HCN1: variants seen among roughly 807,000 people sequenced by gnomAD.
The protein encoded by HCN1 is potassium/sodium hyperpolarization-activated cyclic nucleotide-gated channel 1.
A neutral mutation model predicts 78.9 loss-of-function variants in HCN1; 13 were observed. That is an observed-to-expected ratio of 0.16 (90% CI 0.11 to 0.26). The LOEUF is 0.26. Ranked by LOEUF, HCN1 falls within the 10% of genes least tolerant of loss-of-function variation. The pLI is 1.00. For missense variants in HCN1, 810 were observed against 1,154.3 expected, an observed-to-expected ratio of 0.70 and a Z score of 4.32; for synonymous variants, 552 against 455.5, an observed-to-expected ratio of 1.21 and a Z score of -2.70.
At chr5:45,317,023 C>A (rs971874684) in intron 5 of HCN1, among the ~76,000 whole-genome samples, 1 of 152,116 alleles carries the variant, frequency 6.6e-6, no homozygotes, top group African/African-American at 2.4e-5. Flanking sequence ...CCATCCCCAT[C>A]AAGCTACCAA....
intron 2 of HCN1, among the ~76,000 whole-genome samples, chr5:45,499,078 G>C (rs1742127451): frequency 1.3e-5 from 2 of 152,168 alleles, no homozygotes; most frequent in South Asian, 4.1e-4. Flanking sequence ...TACAGAGGCA[G>C]GCAGGTCTCC....
At chr5:45,340,916 G>A (rs187755158) in intron 5 of HCN1, among the ~76,000 whole-genome samples, 54 of 152,208 alleles carry the variant, frequency 3.5e-4, no homozygotes, top group African/African-American at 1.2e-3. Flanking sequence ...GGAAGAATGA[G>A]CTATCCATCT....
At chr5:45,302,725 A>T (rs1745652793) in intron 6 of HCN1, among the ~76,000 whole-genome samples, 1 of 151,876 alleles carries the variant, frequency 6.6e-6, no homozygotes, top group Non-Finnish European at 1.5e-5. Flanking sequence ...CAGAATTCCC[A>T]CATTTATGGG....
intron 5 of HCN1, among the ~76,000 whole-genome samples, chr5:45,328,380 C>G (rs564944581): frequency 1.3e-5 from 2 of 151,438 alleles, no homozygotes; most frequent in Non-Finnish European, 3.0e-5. Context: ...TCACTTGAAG[C>G]ATTTTATGGC....
At chr5:45,670,985 AC>A (rs1746139984) in intron 1 of HCN1, among the ~76,000 whole-genome samples, 1 of 151,812 alleles carries the variant, frequency 6.6e-6, no homozygotes, top group Non-Finnish European at 1.5e-5. Flanking sequence ...GCCCTAAAGT[AC>A]ATTTTATACA....
At chr5:45,487,198 T>C (rs956797102) in intron 2 of HCN1, among the ~76,000 whole-genome samples, 1 of 152,116 alleles carries the variant, frequency 6.6e-6, no homozygotes, top group Non-Finnish European at 1.5e-5. Flanking sequence ...GTCTATTCAA[T>C]AGTAATTTTC....
chr5:45,695,976 C>G lies in HCN1; in HGVS notation c.118G>C (p.Gly40Arg). 7.6e-7 allele frequency: 1 copy of G among 1,320,234 alleles called. No homozygotes were observed. The highest frequency in any genetic ancestry group is 9.6e-7 in the Non-Finnish European group (1 of 1,038,536). The allele number at this position is 1,320,234 out of a possible 1,614,324, so 81.8% of individuals were successfully genotyped here. ...AGPAAAEKRL[G>R]TPPGGGGAGA... is the part of the protein sequence containing the mutation. ...GCCCCGCCGCCCCCCGGCGGGGTGC[C>G]CAGGCGCTTCTCGGCCGCGGCCGGC... Residue 40 changes from glycine to arginine, a missense_variant, in exon 1 of 8, where the codon GGC becomes CGC. By Grantham distance (125) the Gly-to-Arg change is moderately radical. This residue lies in a region of HCN1 where 170 missense variants were observed against 166.8 expected (regional missense o/e 1.02). Coordinates refer to ENST00000303230, the MANE Select transcript of HCN1 (RefSeq NM_021072.4).
intron 4 of HCN1, among the ~76,000 whole-genome samples, chr5:45,372,011 CATATAATAT>C (rs1747382821): frequency 1.8e-5 from 1 of 56,164 alleles, no homozygotes; most frequent in South Asian, 5.1e-4. Flanking sequence ...TAGTATATAT[CATATAATAT>C]ATATAATATA....
At chr5:45,443,445 C>G (rs1740723143) in intron 3 of HCN1, among the ~76,000 whole-genome samples, 1 of 151,986 alleles carries the variant, frequency 6.6e-6, no homozygotes, top group African/African-American at 2.4e-5. Context: ...TTATTTCATA[C>G]AGATTTAACT....
chr5:45,565,223 T>C (rs1743682432), intron 2 of HCN1, among the ~76,000 whole-genome samples: 1 of 152,120 alleles, frequency 6.6e-6, no homozygotes, highest in Admixed American at 6.6e-5. Context: ...GGGAATGATA[T>C]TAAATTAACT....
intron 1 of HCN1, among the ~76,000 whole-genome samples, chr5:45,686,311 T>C (rs1409127828): frequency 1.3e-5 from 2 of 152,020 alleles, no homozygotes; most frequent in Non-Finnish European, 2.9e-5. Flanking sequence ...CCTTTTACCC[T>C]ACATATCACT....
chr5:45,631,780 G>GA (rs539792403), intron 2 of HCN1, among the ~76,000 whole-genome samples: 3 of 151,950 alleles, frequency 2.0e-5, no homozygotes, highest in Admixed American at 6.6e-5. Flanking sequence ...TGTTTCTTTG[G>GA]AAAAAAATGA....
intron 1 of HCN1, among the ~76,000 whole-genome samples, chr5:45,691,860 T>C (rs1170401697): frequency 2.0e-5 from 3 of 152,222 alleles, no homozygotes; most frequent in Non-Finnish European, 2.9e-5. Flanking sequence ...AAAGCAGAGA[T>C]GGAAGAACGG....
At chr5:45,514,133 T>G (rs142676657) in intron 2 of HCN1, among the ~76,000 whole-genome samples, 259 of 152,236 alleles carry the variant, frequency 1.7e-3, no homozygotes, top group African/African-American at 5.9e-3. Flanking sequence ...TGAATGAAAT[T>G]TCTCAAAATT....
At chr5:45,347,803 G>T (rs1746781732) in intron 5 of HCN1, among the ~76,000 whole-genome samples, 1 of 152,082 alleles carries the variant, frequency 6.6e-6, no homozygotes, top group African/African-American at 2.4e-5. Flanking sequence ...AGTGAGAAGG[G>T]AAGTTTAGAG....
chr5:45,473,449 G>GA lies in HCN1; in HGVS notation c.850-11443dup, dbSNP rs58833113. Among the ~76,000 whole-genome samples the GA allele has an allele frequency of 8.6e-3, 1,311 of 151,704 alleles. 26 individuals are homozygous for GA. Among genetic ancestry groups the GA allele is most frequent in the African/African-American group, 0.031 (1,284 of 41,418 alleles). On this transcript the variant is annotated intron_variant, in intron 2 of 7. Transcript: ENST00000303230. ...TACACTTAACTTTCAATTTTATTGA[G>GA]AAAACATTGTCATTTACAAATATCT...
At chr5:45,383,423 C>T (rs908427401) in intron 4 of HCN1, among the ~76,000 whole-genome samples, 4 of 152,224 alleles carry the variant, frequency 2.6e-5, no homozygotes, top group African/African-American at 7.2e-5. Context: ...AGGCTGGGCA[C>T]GATGGCTCAT....
chr5:45,402,543 G>A (rs1739836823), intron 3 of HCN1, among the ~76,000 whole-genome samples: 1 of 152,102 alleles, frequency 6.6e-6, no homozygotes, highest in Non-Finnish European at 1.5e-5. Context: ...AAATCCTGAG[G>A]TAGAGGAAGG....
chr5:45,532,610 TAAAACAAA>T (rs1742881408), intron 2 of HCN1, among the ~76,000 whole-genome samples: 1 of 152,140 alleles, frequency 6.6e-6, no homozygotes, highest in African/African-American at 2.4e-5. Flanking sequence ...ACCCTTAAAT[TAAAACAAA>T]TAATCAGAGT....
Sources: allele counts gnomAD v4.1 joint callset (sites outside exome capture counted in the v4.1 genomes callset), GRCh38; gene constraint gnomAD v4.1.1; regional missense constraint gnomAD v4.1.1; transcripts MANE v1.5; gene names NCBI Gene and HGNC (gene_info 2026-07-23, HGNC 2026-07-21).